The following GNA14 variants were observed in gnomAD, a reference collection of about 807,000 sequenced individuals.
GNA14 encodes the protein G protein subunit alpha 14, also known as guanine nucleotide-binding protein subunit alpha-14.
A neutral mutation model predicts 42.0 loss-of-function variants in GNA14; 50 were observed. The observed-to-expected ratio is 1.19, with a 90% CI of 0.95 to 1.51. The LOEUF is 1.51. Among genes scored for constraint, GNA14 ranks in the 40% most tolerant of loss-of-function variants. The pLI is 0.00. For synonymous variants in GNA14, 173 were observed against 163.1 expected, an observed-to-expected ratio of 1.06 and a Z score of -0.46; for missense variants, 473 against 446.2, an observed-to-expected ratio of 1.06 and a Z score of -0.54.
At chr9:77,456,894 G>GA (rs577068426) in intron 2 of GNA14, among the ~76,000 whole-genome samples, 86 of 152,046 alleles carry the variant, frequency 5.7e-4, no homozygotes, top group African/African-American at 1.8e-3. Context: ...TGATGTTTAT[G>GA]AAAAAAAATA....
chr9:77,449,032 G>A (rs1305527082), intron 2 of GNA14, among the ~76,000 whole-genome samples: 1 of 152,112 alleles, frequency 6.6e-6, no homozygotes, highest in Non-Finnish European at 1.5e-5. Flanking sequence ...ATACGATAAT[G>A]GTATGATAGG....
intron 1 of GNA14, among the ~76,000 whole-genome samples, chr9:77,610,318 C>A (rs1281178495): frequency 6.6e-6 from 1 of 152,192 alleles, no homozygotes; most frequent in Admixed American, 6.6e-5. Context: ...TGTGCTTGCA[C>A]ATTAACAAAT....
At chr9:77,593,197 T>G (rs1823415439) in intron 1 of GNA14, among the ~76,000 whole-genome samples, 1 of 152,206 alleles carries the variant, frequency 6.6e-6, no homozygotes. Context: ...TTAATTTTGT[T>G]CTGTGTGTTG....
chr9:77,618,695 G>A (rs1377553436), intron 1 of GNA14, among the ~76,000 whole-genome samples: 3 of 125,064 alleles, frequency 2.4e-5, no homozygotes, highest in East Asian at 2.4e-4. Flanking sequence ...GTGCAGTGGC[G>A]GGATCTCGGC....
chr9:77,540,561 G>C (rs1837647180), intron 1 of GNA14, among the ~76,000 whole-genome samples: 1 of 152,130 alleles, frequency 6.6e-6, no homozygotes, highest in African/African-American at 2.4e-5. Flanking sequence ...CTAACGACGA[G>C]AGTGGAGTGT....
intron 1 of GNA14, chr9:77,580,496 T>C (rs1823203652): frequency 5.1e-6 from 2 of 388,374 alleles, no homozygotes; most frequent in Non-Finnish European, 1.0e-5. Flanking sequence ...ATCATCAGCA[T>C]GGTTGTGGGT....
chr9:77,482,331 G>T (rs1836570135), intron 2 of GNA14, among the ~76,000 whole-genome samples: 1 of 151,850 alleles, frequency 6.6e-6, no homozygotes, highest in South Asian at 2.1e-4. Flanking sequence ...CTGGATAAAA[G>T]AAAAGAATTC....
intron 1 of GNA14, among the ~76,000 whole-genome samples, chr9:77,531,983 C>A (rs1055199603): frequency 6.6e-6 from 1 of 152,000 alleles, no homozygotes; most frequent in African/African-American, 2.4e-5. Context: ...AAACCAAATG[C>A]GGAGCAAAAG....
At position 77,596,571 on chromosome 9, in the gene GNA14, T is replaced by G. The variant is rs1772922; in HGVS notation, c.124+51099A>C. ...ATAGACTATATGCTTGTTGGGGGCA[T>G]ATGTCAGGTGGCGACATGCGGGGAA... On this transcript the variant is annotated intron_variant, in intron 1 of 6. Transcript: ENST00000341700. Among the ~76,000 whole-genome samples, 3 of 151,808 alleles carry G rather than the reference T, an allele frequency of 2.0e-5. No individual in the cohort carries two copies. In the East Asian group the frequency reaches 5.8e-4, roughly 30 times the overall value.
chr9:77,450,060 C>A (rs564783006), intron 2 of GNA14, among the ~76,000 whole-genome samples: 1 of 152,176 alleles, frequency 6.6e-6, no homozygotes, highest in Admixed American at 6.5e-5. Context: ...TCTGGGATTC[C>A]GTGGGCTTAT....
Position 77,509,925 on chromosome 9 carries a change from C to A in GNA14, c.309+19144G>T, listed in dbSNP as rs925555529. Reference sequence around the variant, plus strand: ...CTTAAAGTGTCTAGTGGGAACGACACATCACTACGTAGTAGTCTTTGTTTT... The same window carrying A: ...CTTAAAGTGTCTAGTGGGAACGACAAATCACTACGTAGTAGTCTTTGTTTT... On this transcript the variant is annotated intron_variant, in intron 2 of 6. Coordinates refer to ENST00000341700, the MANE Select transcript of GNA14 (RefSeq NM_004297.4). Among the ~76,000 whole-genome samples, 3 of 152,186 alleles carry A rather than the reference C, an allele frequency of 2.0e-5. No individual in the cohort carries two copies. The South Asian group carries it at 6.2e-4, about 32-fold the overall frequency.
At chr9:77,461,405 T>C (rs539843141) in intron 2 of GNA14, among the ~76,000 whole-genome samples, 1 of 152,336 alleles carries the variant, frequency 6.6e-6, no homozygotes, top group South Asian at 2.1e-4. Flanking sequence ...CGGTGATTCT[T>C]AAAACATCCC....
intron 2 of GNA14, among the ~76,000 whole-genome samples, chr9:77,472,320 C>G (rs1489666679): frequency 6.6e-6 from 1 of 152,178 alleles, no homozygotes; most frequent in Non-Finnish European, 1.5e-5. Context: ...AAAAACTCCT[C>G]TCTGTTCCCT....
At chr9:77,573,762 A>G (rs1042598071) in intron 1 of GNA14, among the ~76,000 whole-genome samples, 2 of 151,864 alleles carry the variant, frequency 1.3e-5, no homozygotes, top group African/African-American at 4.8e-5. Flanking sequence ...CTTAAGCACT[A>G]CCCTTTGTTT....
At position 77,603,943 on chromosome 9, in the gene GNA14, C is replaced by CA. The variant is rs1289614764; in HGVS notation, c.124+43726dup. Among the ~76,000 whole-genome samples, 253 of 39,984 alleles carry CA rather than the reference C, an allele frequency of 6.3e-3. 2 individuals are homozygous for CA. The highest frequency in any genetic ancestry group is 0.013 in the Middle Eastern group (1 of 80). 26.2% of individuals were successfully genotyped at this position (39,984 alleles called of 152,430 possible). A position where few individuals can be genotyped will look rare whatever the true frequency, so the allele number is the denominator to read the frequency against. On this transcript the variant is annotated intron_variant, in intron 1 of 6. Transcript: ENST00000341700. Reference sequence around the variant, plus strand: ...TGGGAGACAGAGTAAGACTCCATCTCAAAAAAAAAAAACAAAAAAAAAAAA... The same window carrying CA: ...TGGGAGACAGAGTAAGACTCCATCTCAAAAAAAAAAAAACAAAAAAAAAAAA...
chr9:77,434,071 C>T (rs921467463), intron 3 of GNA14, among the ~76,000 whole-genome samples: 3 of 152,128 alleles, frequency 2.0e-5, no homozygotes, highest in Admixed American at 2.0e-4. Context: ...GAGATCAGTC[C>T]CACTTAAGGG....
At chr9:77,481,686 G>C (rs1321973901) in intron 2 of GNA14, among the ~76,000 whole-genome samples, 1 of 152,154 alleles carries the variant, frequency 6.6e-6, no homozygotes, top group Non-Finnish European at 1.5e-5. Flanking sequence ...GGAAGTCTAA[G>C]TCTCTTTGTA....
intron 1 of GNA14, among the ~76,000 whole-genome samples, chr9:77,608,360 T>TAC: frequency 6.6e-6 from 1 of 152,322 alleles, no homozygotes; most frequent in Admixed American, 6.5e-5. Flanking sequence ...GGATGAATCG[T>TAC]ACCTTGAGTA....
chr9:77,577,535 T>G (rs1823147932), intron 1 of GNA14, among the ~76,000 whole-genome samples: 1 of 152,192 alleles, frequency 6.6e-6, no homozygotes, highest in Non-Finnish European at 1.5e-5. Flanking sequence ...GGGGCAGCCC[T>G]CCCTCTAGCA....
Sources: gnomAD v4.1 joint callset for allele counts (sites outside exome capture counted in the v4.1 genomes callset) on GRCh38, gnomAD v4.1.1 for gene constraint, MANE v1.5 for transcripts, NCBI Gene and HGNC (gene_info 2026-07-23, HGNC 2026-07-21) for gene names.